The following VPS36 variants were observed in gnomAD, a reference collection of about 807,000 sequenced individuals.
VPS36 encodes the protein vacuolar protein-sorting-associated protein 36.
Under a neutral mutation model 63.5 loss-of-function variants are expected in VPS36, and 31 were observed. The ratio of observed to expected loss-of-function variants is 0.49; its 90% CI spans 0.37 to 0.66. The LOEUF is 0.66. Ranked by LOEUF, VPS36 falls within the 30% of genes least tolerant of loss-of-function variation. VPS36 has a pLI of 0.00. For synonymous variants in VPS36, 138 were observed against 157.2 expected, an observed-to-expected ratio of 0.88 and a Z score of 0.91; for missense variants, 338 against 463.7, an observed-to-expected ratio of 0.73 and a Z score of 2.49.
chr13:52,449,557 T>C (rs899356051), intron 1 of VPS36, among the ~76,000 whole-genome samples: 2 of 152,076 alleles, frequency 1.3e-5, no homozygotes, highest in Non-Finnish European at 2.9e-5. Flanking sequence ...GGAACTTATA[T>C]CAAAGTACAG....
chr13:52,417,393 C>T (rs751130748), intron 11 of VPS36, among the ~76,000 whole-genome samples: 1 of 152,100 alleles, frequency 6.6e-6, no homozygotes, highest in Non-Finnish European at 1.5e-5. Context: ...GAATTTCGCT[C>T]TTGCTGCCCA....
intron 10 of VPS36, among the ~76,000 whole-genome samples, chr13:52,423,078 G>A (rs1038082475): frequency 5.9e-5 from 9 of 152,044 alleles, no homozygotes; most frequent in South Asian, 2.1e-4. Context: ...CTTGCCTTCC[G>A]CCATGATTGT....
intron 4 of VPS36, 60 bp downstream of exon 4, chr13:52,436,218 AACACACACACAC>A (rs150816705): frequency 2.6e-5 from 17 of 643,946 alleles, no homozygotes; most frequent in African/African-American, 3.7e-5. Flanking sequence ...AACAAGCCAC[AACACACACACAC>A]ACACACACAC....
intron 13 of VPS36, 35 bp from the exon 14 acceptor site, chr13:52,415,958 T>C: frequency 6.2e-7 from 1 of 1,612,792 alleles, no homozygotes; most frequent in Non-Finnish European, 8.5e-7. Context: ...CCCACACAAT[T>C]ATCTGTTCAT....
intron 8 of VPS36, among the ~76,000 whole-genome samples, chr13:52,426,536 G>A (rs1252672555): frequency 6.6e-6 from 1 of 152,144 alleles, no homozygotes; most frequent in Non-Finnish European, 1.5e-5. Context: ...AATTTTTACG[G>A]TTGACTTTTC....
At position 52,437,753 on chromosome 13, in the gene VPS36, A is replaced by G. The variant is rs191636155; in HGVS notation, c.236+1345T>C. Among the ~76,000 whole-genome samples, 1,434 of 152,028 alleles carry G rather than the reference A, an allele frequency of 9.4e-3. 31 individuals carry two copies. The highest frequency in any genetic ancestry group is 0.058 in the Admixed American group (882 of 15,252). The stretch of plus-strand genomic sequence containing the variant: ...AGACCATCCTGGCTAACACGGTGAA[A>G]CCCCGTCTCTACTAAAAATACAAAA... On this transcript the variant is annotated intron_variant, in intron 3 of 13. Coordinates refer to ENST00000378060, the MANE Select transcript of VPS36 (RefSeq NM_016075.4).
At chr13:52,422,045 T>C (rs891554351) in intron 10 of VPS36, among the ~76,000 whole-genome samples, 2 of 152,168 alleles carry the variant, frequency 1.3e-5, no homozygotes, top group African/African-American at 2.4e-5. Context: ...TACTCTGCTA[T>C]TGAACATTCG....
chr13:52,437,944 T>G (rs1958235784), intron 3 of VPS36, among the ~76,000 whole-genome samples: 1 of 151,146 alleles, frequency 6.6e-6, no homozygotes, highest in Non-Finnish European at 1.5e-5. Context: ...AAAAAAAAAT[T>G]ATGAAATAAA....
intron 1 of VPS36, among the ~76,000 whole-genome samples, chr13:52,446,163 G>A (rs2137812323): frequency 6.6e-6 from 1 of 151,742 alleles, no homozygotes; most frequent in East Asian, 1.9e-4. Context: ...CTACTGGGGA[G>A]GCTGAGGTAG....
Position 52,438,328 on chromosome 13 carries a change from T to C in VPS36, c.236+770A>G, listed in dbSNP as rs558471740. On this transcript the variant is annotated intron_variant, in intron 3 of 13. Coordinates refer to ENST00000378060, the MANE Select transcript of VPS36 (RefSeq NM_016075.4). ...AAAAAAAATCTATGGCTTATTAATCTTTTTAAAACGTTGGTTAGTTTCTTT... is the reference window on the plus strand; with the variant it reads ...AAAAAAAATCTATGGCTTATTAATCCTTTTAAAACGTTGGTTAGTTTCTTT... 9.2e-5 allele frequency among the ~76,000 whole-genome samples: 14 copies of C among 152,318 alleles called. No individual in the cohort carries two copies. The East Asian group carries it at 2.7e-3, about 29-fold the overall frequency.
intron 4 of VPS36, 126 bp from the exon 5 acceptor site, chr13:52,435,008 G>C (rs974159125): frequency 1.5e-5 from 12 of 827,104 alleles, no homozygotes; most frequent in Non-Finnish European, 1.7e-6. Flanking sequence ...TTTTGTTCTT[G>C]TTGCCCAGGC....
rs114863484 is a variant in VPS36 at position 52,419,670 on chromosome 13, T to A, written c.841-1614A>T. Among the ~76,000 whole-genome samples, 1,015 of 151,860 alleles carry A rather than the reference T, an allele frequency of 6.7e-3. 5 individuals are homozygous for A. Among genetic ancestry groups the A allele is most frequent in the South Asian group, 0.015 (70 of 4,808 alleles). ...ATATATCCAAAAGAAAGGAAAGGAG[T>A]GTATCAAAGAGAAATCTGCACTCCC... On this transcript the variant is annotated intron_variant, in intron 10 of 13. Transcript: ENST00000378060.
In VPS36 at chr13:52,443,298, C is replaced by T. The variant is rs1220546038; in HGVS notation, c.97-853G>A. On this transcript the variant is annotated intron_variant, in intron 1 of 13. Transcript: ENST00000378060. The stretch of plus-strand genomic sequence containing the variant: ...AGGCATAAAACCCATTAGCATTAAA[C>T]AAAAACCCCCAAATTCATATGTTGA... Among the ~76,000 whole-genome samples the T allele has an allele frequency of 2.0e-5, 3 of 152,252 alleles. No individual in the cohort carries two copies. The South Asian group carries it at 6.2e-4, about 32-fold the overall frequency.
chr13:52,439,607 G>A (rs1958254233), intron 2 of VPS36, among the ~76,000 whole-genome samples: 1 of 151,980 alleles, frequency 6.6e-6, no homozygotes, highest in South Asian at 2.1e-4. Flanking sequence ...CACCACGTCC[G>A]GCTAATTTTT....
intron 10 of VPS36, among the ~76,000 whole-genome samples, chr13:52,418,847 A>C (rs1256642384): frequency 3.9e-5 from 6 of 152,200 alleles, no homozygotes; most frequent in Non-Finnish European, 8.8e-5. Flanking sequence ...TGCAGCCTTA[A>C]CAAATCAGCA....
Position 52,450,611 on chromosome 13 carries a change from C to A in VPS36, c.-17G>T. The A allele has an allele frequency of 4.5e-6, 7 of 1,554,448 alleles. No homozygotes were observed. Among genetic ancestry groups the A allele is most frequent in the Non-Finnish European group, 6.1e-6 (7 of 1,150,306 alleles). On this transcript the variant is annotated 5_prime_UTR_variant, in exon 1 of 14. Coordinates refer to ENST00000378060, the MANE Select transcript of VPS36 (RefSeq NM_016075.4). ...GCGGTCCATGGCCGCTGCCACCCAG[C>A]CCCGGCCCTCCGAGGCCGCGAGCAG...
chr13:52,423,716 T>C, intron 9 of VPS36, 77 bp from the exon 10 acceptor site: 1 of 1,342,756 alleles, frequency 7.4e-7, no homozygotes, highest in Non-Finnish European at 1.0e-6. Flanking sequence ...GAAATCATAA[T>C]CACAGTGAAA....
In VPS36 at chr13:52,431,712, A is replaced by C. The variant is rs550548072; in HGVS notation, c.528+1950T>G. On this transcript the variant is annotated intron_variant, in intron 6 of 13. Coordinates refer to ENST00000378060, the MANE Select transcript of VPS36 (RefSeq NM_016075.4). ...CGGGAAGCAGAGGTTGCAGTGAGCCAAAATAGCGGCACTGCACTCCAGCCT... is the reference window on the plus strand; with the variant it reads ...CGGGAAGCAGAGGTTGCAGTGAGCCCAAATAGCGGCACTGCACTCCAGCCT... 3.3e-5 allele frequency among the ~76,000 whole-genome samples: 5 copies of C among 151,152 alleles called. No individual in the cohort carries two copies. In the East Asian group the frequency reaches 7.8e-4, roughly 24 times the overall value.
At chr13:52,450,400 G>T (rs1958389964) in intron 1 of VPS36, 99 bp downstream of exon 1, 2 of 1,338,048 alleles carry the variant, frequency 1.5e-6, no homozygotes, top group Non-Finnish European at 1.9e-6. Flanking sequence ...AGCTAAGCCG[G>T]GGACCGGGCC....
Sources: allele counts gnomAD v4.1 joint callset (sites outside exome capture counted in the v4.1 genomes callset), GRCh38; gene constraint gnomAD v4.1.1; transcripts MANE v1.5; gene names NCBI Gene and HGNC (gene_info 2026-07-23, HGNC 2026-07-21).